Variants in OR51L1 observed in about 807,000 individuals in gnomAD.
OR51L1 encodes olfactory receptor family 51 subfamily L member 1.
In OR51L1, 1 loss-of-function variant was observed where a neutral mutation model predicts 1.4. That is an observed-to-expected ratio of 0.72 (90% CI 0.26 to 3.42). The LOEUF (loss-of-function observed/expected upper bound fraction) is 3.42. OR51L1 is among the 30% of genes most tolerant of loss of function. The pLI is 0.20. For missense variants in OR51L1, 378 were observed against 380.0 expected, an observed-to-expected ratio of 0.99 and a Z score of 0.04; for synonymous variants, 156 against 144.2, an observed-to-expected ratio of 1.08 and a Z score of -0.59.
At chr11:4,995,709 C>T (rs1292061954) in intron 1 of OR51L1, among the ~76,000 whole-genome samples, 1 of 152,008 alleles carries the variant, frequency 6.6e-6, no homozygotes, top group Non-Finnish European at 1.5e-5. Context: ...ACTCCCAGTT[C>T]TTTTCTATTA....
In OR51L1 at chr11:4,999,187, G is replaced by T. The variant is rs115625304; in HGVS notation, c.205G>T (p.Ala69Ser). 4.3e-5 allele frequency: 70 copies of T among 1,613,946 alleles called. No homozygotes were observed. In the African/African-American group the frequency reaches 8.5e-4, roughly 20 times the overall value. Residue 69 changes from alanine to serine, a missense_variant, in exon 3 of 3, where the codon GCA (alanine) becomes TCA (serine). Transcript: ENST00000641819. ...QPMYYFISIL[A>S]VNDLGMSLST... ...CATGTATTACTTTATTTCCATCTTA[G>T]CAGTGAATGACCTGGGGATGTCCCT...
rs1847146539 is a variant in OR51L1, at chr11:5,003,163, A to G, written c.*3233A>G. On this transcript the variant is annotated 3_prime_UTR_variant, in exon 3 of 3. Coordinates refer to ENST00000641819, the MANE Select transcript of OR51L1 (RefSeq NM_001004755.2). ...GGAAAGTACGCTTGGAAGAGACCCAAGGGTAAATTGAAGGACAAGTGCTGT... is the reference window on the plus strand; with the variant it reads ...GGAAAGTACGCTTGGAAGAGACCCAGGGGTAAATTGAAGGACAAGTGCTGT... 6.6e-6 allele frequency: 1 copy of G among 152,226 alleles called. No individual in the cohort carries two copies. 9.4% of individuals were successfully genotyped at this position (152,226 alleles called of 1,614,324 possible).
chr11:4,996,825 G>T (rs1444695241), intron 1 of OR51L1, among the ~76,000 whole-genome samples: 1 of 148,008 alleles, frequency 6.8e-6, no homozygotes, highest in Non-Finnish European at 1.5e-5. Context: ...CTCTGTGTGT[G>T]TGTGTGTTCT....
At position 5,004,665 on chromosome 11, in the gene OR51L1, A is replaced by G. The variant is rs1847160813; in HGVS notation, c.*4735A>G. 1 of 152,162 alleles carries G rather than the reference A, an allele frequency of 6.6e-6. No individual in the cohort carries two copies. Among genetic ancestry groups the G allele is most frequent in the African/African-American group, 2.4e-5 (1 of 41,450 alleles). 9.4% of individuals were successfully genotyped at this position (152,162 alleles called of 1,614,324 possible). A position where few individuals can be genotyped will look rare whatever the true frequency, so the allele number is the denominator to read the frequency against. ...CCAAGTTTAACATCATGAATCTGTG[A>G]AGGAAAAAATGTCCATTGAGCCCAG... On this transcript the variant is annotated 3_prime_UTR_variant, in exon 3 of 3. Transcript: ENST00000641819.
In OR51L1 at chr11:4,999,113, A is replaced by G; in HGVS notation, c.131A>G (p.Asn44Ser). 1 of 1,614,104 alleles carries G rather than the reference A, an allele frequency of 6.2e-7. No homozygotes were observed. The highest frequency in any genetic ancestry group is 8.5e-7 in the Non-Finnish European group (1 of 1,179,990). Reference sequence around the variant, plus strand: ...GCATATTTGGTAGCATTTATGGGTAATGTTACCATCCTGTCTGTCATTTGG... The same window carrying G: ...GCATATTTGGTAGCATTTATGGGTAGTGTTACCATCCTGTCTGTCATTTGG... ...CLAYLVAFMGNVTILSVIWIE... is the reference protein window; with the variant it reads ...CLAYLVAFMGSVTILSVIWIE... The change falls in exon 3 of 3, where the codon AAT (asparagine) becomes AGT (serine). Residue 44 changes from asparagine to serine, a missense_variant. Coordinates refer to ENST00000641819, the MANE Select transcript of OR51L1 (RefSeq NM_001004755.2).
Position 5,001,584 on chromosome 11 carries a change from G to T in OR51L1, c.*1654G>T, listed in dbSNP as rs1268408997. On this transcript the variant is annotated 3_prime_UTR_variant, in exon 3 of 3. Coordinates refer to ENST00000641819, the MANE Select transcript of OR51L1 (RefSeq NM_001004755.2). ...ACCTCTTGTTCTACATGCCTGTGTG[G>T]ATCTGTAGTATTGTGTTTTTAATCA... is the stretch of plus-strand genomic sequence containing the variant. 6.6e-6 allele frequency: 1 copy of T among 152,082 alleles called. No individual in the cohort carries two copies. Among genetic ancestry groups the T allele is most frequent in the Admixed American group, 6.6e-5 (1 of 15,260 alleles). 9.4% of individuals were successfully genotyped at this position (152,082 alleles called of 1,614,324 possible).
rs942508351 is a variant in OR51L1, at chr11:5,002,448, A to T, written c.*2518A>T. The T allele has an allele frequency of 1.3e-4, 20 of 152,236 alleles. No homozygotes were observed. The highest frequency in any genetic ancestry group is 4.6e-4 in the African/African-American group (19 of 41,468). The allele number at this position is 152,236 out of a possible 1,614,324, so 9.4% of individuals were successfully genotyped here. On this transcript the variant is annotated 3_prime_UTR_variant, in exon 3 of 3. Coordinates refer to ENST00000641819, the MANE Select transcript of OR51L1 (RefSeq NM_001004755.2). Reference sequence around the variant, plus strand: ...TTCCTCCCACAAAAAAAGGGCTCTGACATGGGCTATGATGGACAAAGATAT... The same window carrying T: ...TTCCTCCCACAAAAAAAGGGCTCTGTCATGGGCTATGATGGACAAAGATAT...
chr11:5,002,956 A>T lies in OR51L1; in HGVS notation c.*3026A>T, dbSNP rs753623638. 2 of 152,156 alleles carry T rather than the reference A, an allele frequency of 1.3e-5. No individual in the cohort carries two copies. The highest frequency in any genetic ancestry group is 4.8e-5 in the African/African-American group (2 of 41,432). The allele number at this position is 152,156 out of a possible 1,614,324, so 9.4% of individuals were successfully genotyped here. A position where few individuals can be genotyped will look rare whatever the true frequency, so the allele number is the denominator to read the frequency against. ...ATATCCAAGTCTCATGACATCAAAT[A>T]TATTACTGGTGGAAGGTATTCAAGT... is the stretch of plus-strand genomic sequence containing the variant. On this transcript the variant is annotated 3_prime_UTR_variant, in exon 3 of 3. Coordinates refer to ENST00000641819, the MANE Select transcript of OR51L1 (RefSeq NM_001004755.2).
intron 2 of OR51L1, among the ~76,000 whole-genome samples, chr11:4,998,522 T>A (rs903372124): frequency 1.3e-5 from 2 of 151,962 alleles, no homozygotes; most frequent in Non-Finnish European, 2.9e-5. Flanking sequence ...TTATGTTGAG[T>A]CCATGGGATC....
At position 4,999,213 on chromosome 11, in the gene OR51L1, G is replaced by A. The variant is rs1847100933; in HGVS notation, c.231G>A (p.Leu77=). The change falls in exon 3 of 3, where the codon CTG becomes CTA. Residue 77 remains leucine, a synonymous_variant. Transcript: ENST00000641819. ...CAGTGAATGACCTGGGGATGTCCCTGTCTACACTTCCCACCATGCTTGCTG... is the reference window on the plus strand; with the variant it reads ...CAGTGAATGACCTGGGGATGTCCCTATCTACACTTCCCACCATGCTTGCTG... The part of the protein sequence containing the change: ...ILAVNDLGMS[L]STLPTMLAVL... 5.0e-6 allele frequency: 8 copies of A among 1,614,132 alleles called. No homozygotes were observed. The East Asian group carries it at 1.8e-4, about 36-fold the overall frequency.
At position 5,000,098 on chromosome 11, in the gene OR51L1, T is replaced by G; in HGVS notation, c.*168T>G. ...AACCAATATGAAACTCAGGATTTTT[T>G]TGGACAAATTGTGACAACTATGGCC... is the stretch of plus-strand genomic sequence containing the variant. On this transcript the variant is annotated 3_prime_UTR_variant, in exon 3 of 3. Coordinates refer to ENST00000641819, the MANE Select transcript of OR51L1 (RefSeq NM_001004755.2). 1 of 707,874 alleles carries G rather than the reference T, an allele frequency of 1.4e-6. No homozygotes were observed. The highest frequency in any genetic ancestry group is 2.2e-6 in the Non-Finnish European group (1 of 456,458). 43.8% of individuals were successfully genotyped at this position (707,874 alleles called of 1,614,324 possible).
Position 5,000,103 on chromosome 11 carries a change from C to T in OR51L1, c.*173C>T. 2 of 652,960 alleles carry T rather than the reference C, an allele frequency of 3.1e-6. No homozygotes were observed. The highest frequency in any genetic ancestry group is 2.5e-6 in the Non-Finnish European group (1 of 406,928). 40.4% of individuals were successfully genotyped at this position (652,960 alleles called of 1,614,324 possible). On this transcript the variant is annotated 3_prime_UTR_variant, in exon 3 of 3. Coordinates refer to ENST00000641819, the MANE Select transcript of OR51L1 (RefSeq NM_001004755.2). Reference sequence around the variant, plus strand: ...ATATGAAACTCAGGATTTTTTTGGACAAATTGTGACAACTATGGCCTTACG... The same window carrying T: ...ATATGAAACTCAGGATTTTTTTGGATAAATTGTGACAACTATGGCCTTACG...
Position 5,004,521 on chromosome 11 carries a change from G to T in OR51L1, c.*4591G>T, listed in dbSNP as rs1398657619. Reference sequence around the variant, plus strand: ...AGCCATATGGGTATTGTTGAAATTTGATAGGATGAGTATTACTAAATATTT... The same window carrying T: ...AGCCATATGGGTATTGTTGAAATTTTATAGGATGAGTATTACTAAATATTT... On this transcript the variant is annotated 3_prime_UTR_variant, in exon 3 of 3. Coordinates refer to ENST00000641819, the MANE Select transcript of OR51L1 (RefSeq NM_001004755.2). The T allele has an allele frequency of 1.3e-5, 2 of 152,138 alleles. No homozygotes were observed. The highest frequency in any genetic ancestry group is 2.9e-5 in the Non-Finnish European group (2 of 68,036). The allele number at this position is 152,138 out of a possible 1,614,324, so 9.4% of individuals were successfully genotyped here.
rs1202534309 is a variant in OR51L1 at position 5,004,922 on chromosome 11, A to G, written c.*4992A>G. 6.6e-6 allele frequency: 1 copy of G among 152,190 alleles called. No homozygotes were observed. The highest frequency in any genetic ancestry group is 1.5e-5 in the Non-Finnish European group (1 of 68,028). The allele number at this position is 152,190 out of a possible 1,614,324, so 9.4% of individuals were successfully genotyped here. On this transcript the variant is annotated 3_prime_UTR_variant, in exon 3 of 3. Transcript: ENST00000641819. ...ATGAATACATAGTTCAGTCAGAACT[A>G]TGTAAAAGAAAATAAAAATTGAAGG...
chr11:4,999,450 AG>A lies in OR51L1; in HGVS notation c.469del (p.Val157LeufsTer9). The part of the protein sequence containing the change: ...GLACLLRSLG[V>X]VLPTPLLLRH... ...TGGCCTGTTTGCTACGAAGCTTGGG[AG>A]TTGTACTTCCCACACCTTTGCTACT... is the stretch of plus-strand genomic sequence containing the variant. On this transcript the variant is annotated frameshift_variant, in exon 3 of 3. Coordinates refer to ENST00000641819, the MANE Select transcript of OR51L1 (RefSeq NM_001004755.2). LOFTEE classifies it low-confidence loss of function (END_TRUNC). 1.2e-6 allele frequency: 2 copies of A among 1,614,090 alleles called. No homozygotes were observed. Among genetic ancestry groups the A allele is most frequent in the African/African-American group, 2.7e-5 (2 of 75,012 alleles).
intron 2 of OR51L1, among the ~76,000 whole-genome samples, chr11:4,998,210 C>T (rs1847089748): frequency 6.6e-6 from 1 of 150,456 alleles, no homozygotes; most frequent in East Asian, 1.9e-4. Flanking sequence ...CACACACACA[C>T]ACACACACAC....
At chr11:4,998,075 C>G (rs928352115) in intron 2 of OR51L1, among the ~76,000 whole-genome samples, 1 of 151,916 alleles carries the variant, frequency 6.6e-6, no homozygotes, top group African/African-American at 2.4e-5. Flanking sequence ...CTGTTAAATG[C>G]ATTGTTCTCA....
rs530225345 is a variant in OR51L1 at position 5,002,908 on chromosome 11, C to T, written c.*2978C>T. 1 of 152,212 alleles carries T rather than the reference C, an allele frequency of 6.6e-6. No homozygotes were observed. The highest frequency in any genetic ancestry group is 1.9e-4 in the East Asian group (1 of 5,176). The allele number at this position is 152,212 out of a possible 1,614,324, so 9.4% of individuals were successfully genotyped here. A position where few individuals can be genotyped will look rare whatever the true frequency, so the allele number is the denominator to read the frequency against. On this transcript the variant is annotated 3_prime_UTR_variant, in exon 3 of 3. Coordinates refer to ENST00000641819, the MANE Select transcript of OR51L1 (RefSeq NM_001004755.2). ...TGAGAAGTTCTCAGAAAACCTGTGA[C>T]GTAAAGGTGTTAGGGGTGGCTAATA...
intron 2 of OR51L1, 27 bp from the exon 3 acceptor site, chr11:4,998,797 T>C (rs1262510482): frequency 1.6e-6 from 1 of 613,646 alleles, no homozygotes; most frequent in Non-Finnish European, 2.8e-6. Flanking sequence ...TTGTGCTCCT[T>C]AATATTGGGA....
Sources: allele counts gnomAD v4.1 joint callset (sites outside exome capture counted in the v4.1 genomes callset), GRCh38; gene constraint gnomAD v4.1.1; transcripts MANE v1.5; gene names NCBI Gene and HGNC (gene_info 2026-07-23, HGNC 2026-07-21).